The following PACRG variants were observed in gnomAD, a reference collection of about 807,000 sequenced individuals.
The protein encoded by PACRG is parkin coregulated.
A neutral mutation model predicts 29.7 loss-of-function variants in PACRG; 29 were observed. The observed-to-expected ratio is 0.98, with a 90% confidence interval of 0.73 to 1.33. The LOEUF (loss-of-function observed/expected upper bound fraction) is 1.33. Ranked by LOEUF, PACRG falls within the 40% of genes most tolerant of loss-of-function variation. The pLI is 0.00. For synonymous variants in PACRG, 116 were observed against 118.7 expected (o/e 0.98, Z 0.15); for missense variants, 279 against 316.2 (o/e 0.88, Z 0.89).
rs987516837 is a variant in PACRG at position 163,024,831 on chromosome 6, A to G, written c.292-37319A>G. ...CATAGACACAAAATTCCTCAACAAAATGCTAGTACATTGAATCCAGCGGCA... is the reference window on the plus strand; with the variant it reads ...CATAGACACAAAATTCCTCAACAAAGTGCTAGTACATTGAATCCAGCGGCA... On this transcript the variant is annotated intron_variant, in intron 2 of 4. Transcript: ENST00000366888. Among the ~76,000 whole-genome samples, 5 of 152,186 alleles carry G rather than the reference A, an allele frequency of 3.3e-5. No homozygotes were observed. The East Asian group carries it at 9.6e-4, about 29-fold the overall frequency.
rs1380969698 is a variant in PACRG at position 162,885,251 on chromosome 6, G to A, written c.291+70970G>A. Among the ~76,000 whole-genome samples, 13 of 133,564 alleles carry A rather than the reference G, an allele frequency of 9.7e-5. No individual in the cohort carries two copies. The South Asian group carries it at 3.1e-3, about 32-fold the overall frequency. The allele number at this position is 133,564 out of a possible 152,430, so 87.6% of individuals were successfully genotyped here. A position where few individuals can be genotyped will look rare whatever the true frequency, so the allele number is the denominator to read the frequency against. ...TTGAGTAACCTTTTTTTTTTTTTCT[G>A]GGAGCTTTCTTTCTCTTTTTTTTTT... On this transcript the variant is annotated intron_variant, in intron 2 of 4. Coordinates refer to ENST00000366888, the MANE Select transcript of PACRG (RefSeq NM_001080379.2).
chr6:162,800,592 G>A (rs951706991), intron 1 of PACRG, among the ~76,000 whole-genome samples: 1 of 152,140 alleles, frequency 6.6e-6, no homozygotes, highest in African/African-American at 2.4e-5. Flanking sequence ...TCTATGAAAT[G>A]GAGATAGATG....
At chr6:162,856,774 T>G (rs2128435241) in intron 2 of PACRG, among the ~76,000 whole-genome samples, 1 of 152,332 alleles carries the variant, frequency 6.6e-6, no homozygotes, top group Middle Eastern at 3.4e-3. Context: ...CACCTGCTAC[T>G]TAGCCATAGT....
At chr6:163,136,327 T>C (rs1816935885) in intron 4 of PACRG, among the ~76,000 whole-genome samples, 1 of 152,244 alleles carries the variant, frequency 6.6e-6, no homozygotes, top group Non-Finnish European at 1.5e-5. Context: ...TCCCTCCATC[T>C]CCTTCGAAAT....
chr6:163,139,166 C>T (rs1461985795), intron 4 of PACRG, among the ~76,000 whole-genome samples: 1 of 152,242 alleles, frequency 6.6e-6, no homozygotes, highest in Non-Finnish European at 1.5e-5. Flanking sequence ...TGGCCTCCCC[C>T]AGCTTCCACT....
chr6:163,287,027 C>CGT (rs140579769), intron 4 of PACRG, among the ~76,000 whole-genome samples: 26 of 150,832 alleles, frequency 1.7e-4, no homozygotes, highest in South Asian at 4.2e-4. Context: ...TGTGTATGTG[C>CGT]GTGTGTGTGT....
At chr6:163,070,976 C>G (rs1458389055) in intron 3 of PACRG, among the ~76,000 whole-genome samples, 1 of 151,918 alleles carries the variant, frequency 6.6e-6, no homozygotes, top group African/African-American at 2.4e-5. Context: ...ATAAAGGGGT[C>G]AATTCAGCAA....
At chr6:162,894,033 C>T (rs1043569504) in intron 2 of PACRG, among the ~76,000 whole-genome samples, 7 of 152,162 alleles carry the variant, frequency 4.6e-5, no homozygotes, top group African/African-American at 9.7e-5. Context: ...CCAAGCTCGG[C>T]GCACCATTGT....
Position 162,935,751 on chromosome 6 carries a change from T to C in PACRG, c.291+121470T>C, listed in dbSNP as rs185607287. Among the ~76,000 whole-genome samples the C allele has an allele frequency of 1.3e-3, 195 of 152,312 alleles. 2 individuals are homozygous for C. The highest frequency in any genetic ancestry group is 4.5e-3 in the African/African-American group (185 of 41,568). On this transcript the variant is annotated intron_variant, in intron 2 of 4. Transcript: ENST00000366888. Reference sequence around the variant, plus strand: ...TTGGAAGTGTCATGTTTTCTTGTTTTTCATGTTTCTTGTGAACAGGAACAT... The same window carrying C: ...TTGGAAGTGTCATGTTTTCTTGTTTCTCATGTTTCTTGTGAACAGGAACAT...
intron 2 of PACRG, among the ~76,000 whole-genome samples, chr6:162,985,676 A>G (rs1405590271): frequency 6.6e-6 from 1 of 152,126 alleles, no homozygotes; most frequent in Non-Finnish European, 1.5e-5. Context: ...CACCACTGCT[A>G]TTCAACATAG....
chr6:163,047,011 T>C (rs1809469669), intron 2 of PACRG, among the ~76,000 whole-genome samples: 1 of 152,214 alleles, frequency 6.6e-6, no homozygotes, highest in South Asian at 2.1e-4. Context: ...CCTGAAATAA[T>C]CCTTTCCTGA....
intron 2 of PACRG, among the ~76,000 whole-genome samples, chr6:162,954,611 T>C (rs1221811626): frequency 3.3e-5 from 5 of 151,758 alleles, no homozygotes; most frequent in Non-Finnish European, 7.4e-5. Context: ...TTTGGAGTGA[T>C]TTTTTTCTCC....
chr6:162,974,347 G>A (rs1474702784), intron 2 of PACRG, among the ~76,000 whole-genome samples: 1 of 152,060 alleles, frequency 6.6e-6, no homozygotes, highest in African/African-American at 2.4e-5. Flanking sequence ...AAGTAAATTG[G>A]GCAAAATACA....
intron 2 of PACRG, among the ~76,000 whole-genome samples, chr6:162,944,383 A>G (rs1233154464): frequency 1.3e-5 from 2 of 152,206 alleles, no homozygotes; most frequent in Non-Finnish European, 2.9e-5. Context: ...AGATGTGCAC[A>G]TATCAATGTA....
At chr6:163,145,147 G>T (rs1416810744) in intron 4 of PACRG, among the ~76,000 whole-genome samples, 1 of 152,158 alleles carries the variant, frequency 6.6e-6, no homozygotes, top group African/African-American at 2.4e-5. Context: ...TGAATGCCTT[G>T]GTTTGATTCT....
chr6:163,128,026 C>G (rs184002176), intron 4 of PACRG, among the ~76,000 whole-genome samples: 616 of 152,190 alleles, frequency 4.0e-3, no homozygotes, highest in Middle Eastern at 0.01. Flanking sequence ...CAAACAGCTT[C>G]AAAATTTCCA....
intron 4 of PACRG, among the ~76,000 whole-genome samples, chr6:163,294,433 A>C (rs561141811): frequency 3.3e-5 from 5 of 152,324 alleles, no homozygotes; most frequent in Middle Eastern, 3.4e-3. Context: ...AACAAAATTT[A>C]CATTTAAAAT....
At chr6:163,058,073 G>T (rs1341484786) in intron 2 of PACRG, among the ~76,000 whole-genome samples, 1 of 152,098 alleles carries the variant, frequency 6.6e-6, no homozygotes, top group Non-Finnish European at 1.5e-5. Flanking sequence ...ACTCATAAAT[G>T]GTTTCCAAAT....
At chr6:163,192,733 G>T (rs1370793052) in intron 4 of PACRG, among the ~76,000 whole-genome samples, 2 of 152,132 alleles carry the variant, frequency 1.3e-5, no homozygotes, top group African/African-American at 4.8e-5. Context: ...CTTGATGAGA[G>T]AACATTTTAT....
Sources: allele counts gnomAD v4.1 joint callset (sites outside exome capture counted in the v4.1 genomes callset), GRCh38; gene constraint gnomAD v4.1.1; transcripts MANE v1.5; gene names NCBI Gene and HGNC (gene_info 2026-07-23, HGNC 2026-07-21).